Variants in HDAC7 observed in about 807,000 individuals in gnomAD.
HDAC7 encodes histone deacetylase 7.
Under a neutral mutation model 115.5 loss-of-function variants are expected in HDAC7, and 26 were observed. The observed-to-expected ratio is 0.23, with a 90% CI of 0.16 to 0.31. HDAC7 has a LOEUF of 0.31. Ranked by LOEUF, HDAC7 falls within the 10% of genes least tolerant of loss-of-function variation. The probability of loss-of-function intolerance (pLI) is 1.00; values close to 1 mark genes in which losing one functional copy is unlikely to be tolerated. For missense variants in HDAC7, 1,068 were observed against 1,329.0 expected, an observed-to-expected ratio of 0.80 and a Z score of 3.05; for synonymous variants, 564 against 550.9, an observed-to-expected ratio of 1.02 and a Z score of -0.33.
At chr12:47,812,723 T>TA (rs1337740325) in intron 1 of HDAC7, among the ~76,000 whole-genome samples, 2 of 152,186 alleles carry the variant, frequency 1.3e-5, no homozygotes, top group African/African-American at 4.8e-5. Context: ...CTTTAAGCAC[T>TA]AAGTGGGGCA....
In HDAC7 at chr12:47,798,747, C is replaced by A; in HGVS notation, c.258+38G>T. 6.4e-7 allele frequency: 1 copy of A among 1,555,032 alleles called. No homozygotes were observed. On this transcript the variant is annotated intron_variant, in intron 3 of 25. Transcript: ENST00000080059. This position sits in a 1 kb window ranked among gnomAD's most constrained non-coding sequence, Gnocchi z 4.3. ...GAAGGCGGGGAGGCTGGGGACCAAG[C>A]TCAAGGTGGCCCCACATGCAGGGAG...
At position 47,795,019 on chromosome 12, in the gene HDAC7, C is replaced by A; in HGVS notation, c.1285-86G>T. The A allele has an allele frequency of 7.0e-7, 1 of 1,436,554 alleles. No homozygotes were observed. The highest frequency in any genetic ancestry group is 1.3e-5 in the South Asian group (1 of 76,614). 89.0% of individuals were successfully genotyped at this position (1,436,554 alleles called of 1,614,324 possible). A position where few individuals can be genotyped will look rare whatever the true frequency, so the allele number is the denominator to read the frequency against. ...TGGTGGGCTGGGCCAGGCAGCCAGT[C>A]ATCTTGCTAGGACTCCAGCTGCCAT... is the stretch of plus-strand genomic sequence containing the variant. On this transcript the variant is annotated intron_variant, in intron 11 of 25. Transcript: ENST00000080059. The surrounding 1 kb of genome is among the most constrained non-coding windows in gnomAD (Gnocchi z 4.3).
intron 1 of HDAC7, among the ~76,000 whole-genome samples, chr12:47,810,804 G>GTCTCTCTCTCTCTCTCTC (rs60132211): frequency 5.7e-4 from 75 of 131,650 alleles, no homozygotes; most frequent in Non-Finnish European, 4.0e-4. Flanking sequence ...GGAGGAAAAG[G>GTCTCTCTCTCTCTCTCTC]TCTCTCTCTC....
At chr12:47,806,984 G>A (rs1448436274) in intron 1 of HDAC7, among the ~76,000 whole-genome samples, 1 of 149,926 alleles carries the variant, frequency 6.7e-6, no homozygotes, top group Non-Finnish European at 1.5e-5. Flanking sequence ...CTGTCACCCA[G>A]GCTGGAGTGC....
rs755023266 is a variant in HDAC7, at chr12:47,787,872, T to G, written c.2356-63A>C. On this transcript the variant is annotated intron_variant, in intron 20 of 25. Transcript: ENST00000080059. ...GAGTCCCAGAAGGGGAACACCAGTT[T>G]GTTAGAGCTGCCAGCCCAGCTCATC... is the stretch of plus-strand genomic sequence containing the variant. The G allele has an allele frequency of 3.2e-6, 5 of 1,544,440 alleles. No homozygotes were observed. The South Asian group carries it at 4.6e-5, about 14-fold the overall frequency.
intron 13 of HDAC7, chr12:47,792,417 G>A: frequency 2.9e-6 from 1 of 346,096 alleles, no homozygotes; most frequent in Non-Finnish European, 5.7e-6. Flanking sequence ...GCTACCAAGG[G>A]GCAGCAGGAG....
Position 47,809,715 on chromosome 12 carries a change from C to T in HDAC7, c.20-7441G>A, listed in dbSNP as rs535845842. 5.1e-3 allele frequency among the ~76,000 whole-genome samples: 753 copies of T among 147,472 alleles called. 6 individuals are homozygous for T. The highest frequency in any genetic ancestry group is 0.018 in the African/African-American group (712 of 39,964). ...CCTCCTAAGTAGCTGGGATTACAGG[C>T]GTGCGCCAACATGCCTGGCTAATTT... On this transcript the variant is annotated intron_variant, in intron 1 of 25. Transcript: ENST00000080059.
rs199857020 is a variant in HDAC7 at position 47,795,396 on chromosome 12, G to T, written c.1088-16C>A. The T allele has an allele frequency of 6.4e-7, 1 of 1,570,404 alleles. No homozygotes were observed. The highest frequency in any genetic ancestry group is 1.1e-5 in the South Asian group (1 of 87,692). ...AGCCCGGGCACTGGAAAGAATCGGG[G>T]GGTGGAATAAGGAGGGAACCACAGG... On this transcript the variant is annotated splice_polypyrimidine_tract_variant and intron_variant, in intron 10 of 25. Transcript: ENST00000080059. This position sits in a 1 kb window ranked among gnomAD's most constrained non-coding sequence, Gnocchi z 4.3.
Position 47,797,531 on chromosome 12 carries a change from G to A in HDAC7, c.462-32C>T. The A allele has an allele frequency of 6.5e-7, 1 of 1,529,528 alleles. No individual in the cohort carries two copies. The highest frequency in any genetic ancestry group is 9.0e-7 in the Non-Finnish European group (1 of 1,114,136). 94.7% of individuals were successfully genotyped at this position (1,529,528 alleles called of 1,614,324 possible). ...AACGAGTGCCAAGGCTGCTTCAGAGGTGTGGGGACACTGCACGGGCACTGC... is the reference window on the plus strand; with the variant it reads ...AACGAGTGCCAAGGCTGCTTCAGAGATGTGGGGACACTGCACGGGCACTGC... On this transcript the variant is annotated intron_variant, in intron 5 of 25. Coordinates refer to ENST00000080059, the MANE Select transcript of HDAC7 (RefSeq NM_015401.5). This position sits in a 1 kb window ranked among gnomAD's most constrained non-coding sequence, Gnocchi z 5.5.
intron 15 of HDAC7, 133 bp from the exon 16 acceptor site, chr12:47,791,441 G>T: frequency 1.5e-6 from 2 of 1,375,894 alleles, no homozygotes; most frequent in South Asian, 2.8e-5. Flanking sequence ...GTGGAGGTGG[G>T]CTGAGGAGGG....
intron 20 of HDAC7, 115 bp from the exon 21 acceptor site, chr12:47,787,924 G>A: frequency 6.4e-7 from 1 of 1,550,826 alleles, no homozygotes; most frequent in Non-Finnish European, 8.8e-7. Context: ...AGGTGGGGAA[G>A]TTTAGGATCA....
At chr12:47,792,425 G>A (rs1943580517) in intron 13 of HDAC7, 2 of 345,692 alleles carry the variant, frequency 5.8e-6, no homozygotes, top group South Asian at 2.3e-5. Flanking sequence ...GGGGCAGCAG[G>A]AGGGAAAAGA....
At position 47,795,646 on chromosome 12, in the gene HDAC7, G is replaced by C. The variant is rs770634284; in HGVS notation, c.1028C>G (p.Ser343Cys). Residue 343 changes from serine (S) to cysteine (C), a missense_variant, in exon 10 of 26, where the codon TCT becomes TGT. Physicochemically the swap from Ser to Cys is moderately radical, Grantham distance 112. Transcript: ENST00000080059. The surrounding 1 kb of genome is among the most constrained non-coding windows in gnomAD (Gnocchi z 4.3). ...CAGGAGGAGAATGGGCTGCAGGCGA[G>C]AGGGCAAGGTGCCCCCAGCCTCGGG... ...LEPEAGGTLP[S>C]RLQPILLLDP... 1 of 1,555,368 alleles carries C rather than the reference G, an allele frequency of 6.4e-7. No homozygotes were observed. Among genetic ancestry groups the C allele is most frequent in the East Asian group, 2.4e-5 (1 of 41,204 alleles).
intron 1 of HDAC7, among the ~76,000 whole-genome samples, chr12:47,804,705 G>A (rs987566569): frequency 1.2e-4 from 18 of 152,034 alleles, no homozygotes; most frequent in East Asian, 1.9e-4. Context: ...TGGGGCATGT[G>A]GGCCTACCAA....
chr12:47,794,421 A>C (rs1219985495), intron 12 of HDAC7, among the ~76,000 whole-genome samples: 1 of 152,076 alleles, frequency 6.6e-6, no homozygotes, highest in African/African-American at 2.4e-5. Context: ...GCTCCATCCC[A>C]CCTCTGGCCC....
chr12:47,810,135 G>A (rs997318654), intron 1 of HDAC7, among the ~76,000 whole-genome samples: 4 of 151,940 alleles, frequency 2.6e-5, no homozygotes, highest in Non-Finnish European at 5.9e-5. Flanking sequence ...TGGTAGAGAC[G>A]GTGTTTCACT....
chr12:47,784,516 G>A (rs531959582), intron 24 of HDAC7: 87 of 608,184 alleles, frequency 1.4e-4, no homozygotes, highest in African/African-American at 1.4e-3. Flanking sequence ...CCACAGGTGC[G>A]GGGCTCCTGA....
chr12:47,791,091 C>A (rs1592642376), intron 16 of HDAC7, 168 bp downstream of exon 16: 2 of 685,190 alleles, frequency 2.9e-6, no homozygotes, highest in East Asian at 2.7e-5. Context: ...ACACGCCTGT[C>A]CAAAAGGAGC....
At chr12:47,813,562 T>C (rs544572722) in intron 1 of HDAC7, 5 of 152,434 alleles carry the variant, frequency 3.3e-5, no homozygotes, top group African/African-American at 9.6e-5. Flanking sequence ...GCTGACCCTA[T>C]AGGCCCAAAG....
Sources: allele counts gnomAD v4.1 joint callset (sites outside exome capture counted in the v4.1 genomes callset), GRCh38; gene constraint gnomAD v4.1.1; non-coding constraint Gnocchi (gnomAD v3.1); transcripts MANE v1.5; gene names NCBI Gene and HGNC (gene_info 2026-07-23, HGNC 2026-07-21).